Variants in SLC1A2 observed in about 807,000 individuals in gnomAD.
SLC1A2 encodes the protein solute carrier family 1 member 2.
A neutral mutation model predicts 48.8 loss-of-function variants in SLC1A2; 15 were observed. The observed-to-expected ratio is 0.31, with a 90% CI of 0.21 to 0.47. The LOEUF (loss-of-function observed/expected upper bound fraction) is 0.47, where lower values mean the gene tolerates loss of function less well. Among genes scored for constraint, SLC1A2 ranks in the 20% least tolerant of loss-of-function variants. SLC1A2 has a pLI of 0.99. For synonymous variants in SLC1A2, 279 were observed against 272.6 expected, an observed-to-expected ratio of 1.02 and a Z score of -0.23; for missense variants, 502 against 730.5, an observed-to-expected ratio of 0.69 and a Z score of 3.61.
chr11:35,261,691 C>T (rs781740159), intron 10 of SLC1A2: 15 of 398,454 alleles, frequency 3.8e-5, no homozygotes, highest in Admixed American at 1.3e-4. Context: ...CTGTCCTCAA[C>T]GTCATGTGCA....
rs554887722 is a variant in SLC1A2 at position 35,260,996 on chromosome 11, A to G, written c.1654-31T>C. The G allele has an allele frequency of 1.8e-4, 288 of 1,568,670 alleles. No individual in the cohort carries two copies. In the South Asian group the frequency reaches 2.7e-3, roughly 15 times the overall value. ...AATAATTATCATCAACATCCAGCTT[A>G]CAGACCACGAACCAGAAAAAAGCCC... On this transcript the variant is annotated intron_variant, in intron 10 of 10. Coordinates refer to ENST00000278379, the MANE Select transcript of SLC1A2 (RefSeq NM_004171.4).
intron 4 of SLC1A2, among the ~76,000 whole-genome samples, chr11:35,311,031 T>C (rs1243539311): frequency 3.3e-5 from 5 of 151,962 alleles, no homozygotes; most frequent in Admixed American, 6.6e-5. Context: ...TATTATGCAA[T>C]CATGAAAAAA....
At chr11:35,298,071 G>C (rs952654626) in intron 6 of SLC1A2, 1 of 152,136 alleles carries the variant, frequency 6.6e-6, no homozygotes, top group African/African-American at 2.4e-5. Flanking sequence ...CATAACACTG[G>C]GCAAGTCAAC....
At chr11:35,281,480 A>G (rs1850632376) in intron 8 of SLC1A2, among the ~76,000 whole-genome samples, 1 of 152,248 alleles carries the variant, frequency 6.6e-6, no homozygotes, top group Non-Finnish European at 1.5e-5. Flanking sequence ...GAGAACTCAG[A>G]ATAGCAAATA....
intron 9 of SLC1A2, among the ~76,000 whole-genome samples, chr11:35,268,858 G>A (rs138507577): frequency 5.9e-5 from 9 of 152,138 alleles, no homozygotes; most frequent in African/African-American, 2.2e-4. Flanking sequence ...GAACACAGGC[G>A]GTACCATTCC....
At chr11:35,331,604 A>G (rs1852431401) in intron 1 of SLC1A2, among the ~76,000 whole-genome samples, 1 of 152,230 alleles carries the variant, frequency 6.6e-6, no homozygotes. Flanking sequence ...AGGCTGGTTC[A>G]CAGGGCTTTG....
At position 35,287,909 on chromosome 11, in the gene SLC1A2, T is replaced by C. The variant is rs1850878678; in HGVS notation, c.1092-958A>G. Among the ~76,000 whole-genome samples the C allele has an allele frequency of 2.0e-5, 3 of 152,354 alleles. No homozygotes were observed. The South Asian group carries it at 6.2e-4, about 32-fold the overall frequency. ...GGAAGTGCTTCATGGTCCATCCTCT[T>C]GATTTTTTTCTATTCAAACTTTAGC... On this transcript the variant is annotated intron_variant, in intron 7 of 10. Coordinates refer to ENST00000278379, the MANE Select transcript of SLC1A2 (RefSeq NM_004171.4).
At chr11:35,413,186 C>A (rs988225799) in intron 1 of SLC1A2, among the ~76,000 whole-genome samples, 1 of 152,192 alleles carries the variant, frequency 6.6e-6, no homozygotes, top group Non-Finnish European at 1.5e-5. Context: ...CTGTGCCCAA[C>A]CTGAAAGGCA....
rs1225509452 is a variant in SLC1A2 at position 35,419,394 on chromosome 11, G to A, written c.-428C>T. 5.0e-6 allele frequency: 1 copy of A among 200,760 alleles called. No individual in the cohort carries two copies. Among genetic ancestry groups the A allele is most frequent in the Non-Finnish European group, 1.0e-5 (1 of 100,422 alleles). The allele number at this position is 200,760 out of a possible 1,614,324, so 12.4% of individuals were successfully genotyped here. ...GCAGAGAGTGGTGGCAGAGGACGGTGAGCGTGCGTGCGCGTGTGCGGGTGT... is the reference window on the plus strand; with the variant it reads ...GCAGAGAGTGGTGGCAGAGGACGGTAAGCGTGCGTGCGCGTGTGCGGGTGT... On this transcript the variant is annotated 5_prime_UTR_variant, in exon 1 of 11. Transcript: ENST00000278379. This position sits in a 1 kb window ranked among gnomAD's most constrained non-coding sequence, Gnocchi z 5.4.
chr11:35,255,993 T>C lies in SLC1A2; in HGVS notation c.*4901A>G, dbSNP rs1475711609. On this transcript the variant is annotated 3_prime_UTR_variant, in exon 11 of 11. Coordinates refer to ENST00000278379, the MANE Select transcript of SLC1A2 (RefSeq NM_004171.4). ...TAAAATGTAAATAGGTCACATTTTA[T>C]AGTAGGAAGCCTCTTAAGAAGGAAA... 2.0e-5 allele frequency: 3 copies of C among 152,202 alleles called. No homozygotes were observed. The highest frequency in any genetic ancestry group is 4.4e-5 in the Non-Finnish European group (3 of 68,040). 9.4% of individuals were successfully genotyped at this position (152,202 alleles called of 1,614,324 possible).
intron 1 of SLC1A2, among the ~76,000 whole-genome samples, chr11:35,360,778 C>T (rs1230136442): frequency 6.6e-6 from 1 of 152,196 alleles, no homozygotes; most frequent in Non-Finnish European, 1.5e-5. Flanking sequence ...TCCATGTCAC[C>T]TTCCATGGCT....
At chr11:35,381,547 C>G (rs1854422776) in intron 1 of SLC1A2, among the ~76,000 whole-genome samples, 1 of 152,070 alleles carries the variant, frequency 6.6e-6, no homozygotes, top group Non-Finnish European at 1.5e-5. Flanking sequence ...CCTTCTTTCT[C>G]TTTGAGTTTG....
chr11:35,362,279 T>C (rs1853710075), intron 1 of SLC1A2, among the ~76,000 whole-genome samples: 1 of 152,242 alleles, frequency 6.6e-6, no homozygotes, highest in African/African-American at 2.4e-5. Flanking sequence ...CATAGCTGTC[T>C]CTGGCCCCTC....
chr11:35,411,094 A>T (rs578181400), intron 1 of SLC1A2, among the ~76,000 whole-genome samples: 288 of 152,372 alleles, frequency 1.9e-3, no homozygotes, highest in Non-Finnish European at 3.3e-3. Context: ...AAATGCTAAG[A>T]TTCTATGATG....
intron 5 of SLC1A2, among the ~76,000 whole-genome samples, chr11:35,303,147 C>T (rs1851402640): frequency 6.6e-6 from 1 of 151,948 alleles, no homozygotes; most frequent in Non-Finnish European, 1.5e-5. Flanking sequence ...TAAATTTTAG[C>T]ATTATAATTT....
At chr11:35,370,900 T>G (rs1854037091) in intron 1 of SLC1A2, 35 of 951,938 alleles carry the variant, frequency 3.7e-5, no homozygotes, top group Non-Finnish European at 4.4e-5. Flanking sequence ...AAAAGATGGC[T>G]AAGATATATG....
intron 1 of SLC1A2, among the ~76,000 whole-genome samples, chr11:35,406,257 TGA>T (rs1855289813): frequency 6.6e-6 from 1 of 152,184 alleles, no homozygotes; most frequent in South Asian, 2.1e-4. Context: ...AAATGCTTAC[TGA>T]GTGCACTGCA....
intron 1 of SLC1A2, among the ~76,000 whole-genome samples, chr11:35,326,869 A>T (rs1039657875): frequency 6.6e-6 from 1 of 152,188 alleles, no homozygotes; most frequent in Non-Finnish European, 1.5e-5. Context: ...TTAAGCCAGA[A>T]ACTCACGGAA....
intron 6 of SLC1A2, chr11:35,298,774 C>T (rs953364707): frequency 2.8e-4 from 43 of 152,314 alleles, no homozygotes; most frequent in African/African-American, 7.9e-4. Flanking sequence ...GGCTACACTT[C>T]ATCCCACAGA....
Sources: allele counts gnomAD v4.1 joint callset (sites outside exome capture counted in the v4.1 genomes callset), GRCh38; gene constraint gnomAD v4.1.1; non-coding constraint Gnocchi (gnomAD v3.1); transcripts MANE v1.5; gene names NCBI Gene and HGNC (gene_info 2026-07-23, HGNC 2026-07-21).